Variants in NDUFA10 observed in about 807,000 individuals in gnomAD.
NDUFA10 encodes the protein NADH:ubiquinone oxidoreductase subunit A10.
In NDUFA10, 40 loss-of-function variants were observed where a neutral mutation model predicts 47.8. That is an observed-to-expected ratio of 0.84 (90% confidence interval 0.65 to 1.09). The LOEUF (loss-of-function observed/expected upper bound fraction) is 1.09, where lower values mean the gene tolerates loss of function less well. Among genes scored for constraint, NDUFA10 ranks in the 50% least tolerant of loss-of-function variants. NDUFA10 has a pLI of 0.00. For synonymous variants in NDUFA10, 183 were observed against 172.2 expected (o/e 1.06, Z -0.49); for missense variants, 413 against 451.1 (o/e 0.92, Z 0.76).
Position 239,958,976 on chromosome 2 carries a change from G to C in NDUFA10, c.*2142C>G, listed in dbSNP as rs764782541. 6 of 985,432 alleles carry C rather than the reference G, an allele frequency of 6.1e-6. No individual in the cohort carries two copies. The South Asian group carries it at 2.8e-4, about 46-fold the overall frequency. 61.0% of individuals were successfully genotyped at this position (985,432 alleles called of 1,614,324 possible). A position where few individuals can be genotyped will look rare whatever the true frequency, so the allele number is the denominator to read the frequency against. On this transcript the variant is annotated 3_prime_UTR_variant, in exon 10 of 10. Transcript: ENST00000252711. ...TTAGTTGTAAGAGCTTTCGTGAGAC[G>C]AACGCATGTACTGCTCTGAAATAAG...
At chr2:239,964,706 C>T (rs1296408767) in intron 9 of NDUFA10, among the ~76,000 whole-genome samples, 4 of 152,160 alleles carry the variant, frequency 2.6e-5, no homozygotes, top group African/African-American at 9.7e-5. Flanking sequence ...ACACTGCCGG[C>T]GAGGACACCT....
chr2:239,913,578 G>T (rs762174710), intron 4 of NDUFA10, among the ~76,000 whole-genome samples: 2 of 152,222 alleles, frequency 1.3e-5, no homozygotes, highest in Non-Finnish European at 2.9e-5. Flanking sequence ...TCTCAATACT[G>T]CGGGGAGCTC....
downstream of NDUFA10, among the ~76,000 whole-genome samples, chr2:239,952,595 G>A (rs927668356): frequency 4.7e-5 from 7 of 149,908 alleles, no homozygotes. Flanking sequence ...GGACAAAGCA[G>A]CCTCCCCTCT....
chr2:239,910,349 A>G (rs1693728644), intron 4 of NDUFA10, among the ~76,000 whole-genome samples: 1 of 152,246 alleles, frequency 6.6e-6, no homozygotes, highest in South Asian at 2.1e-4. Flanking sequence ...GGTAAAGAAA[A>G]TGTGGCACAT....
In NDUFA10 at chr2:240,021,227, A is replaced by G. The variant is rs375847386; in HGVS notation, c.430T>C (p.Ser144Pro). The G allele has an allele frequency of 1.2e-6, 2 of 1,614,116 alleles. No homozygotes were observed. Among genetic ancestry groups the G allele is most frequent in the African/African-American group, 2.7e-5 (2 of 74,936 alleles). ...WLYSSRLLQY[S>P]DALEHLLTTG... is the part of the protein sequence containing the mutation. The stretch of plus-strand genomic sequence containing the variant: ...GTCAGCAAGTGCTCCAAGGCATCTG[A>G]GTACTGCAGCAGGCGACTGCTGTAC... The change falls in exon 3 of 10, where the codon TCA becomes CCA. Residue 144 changes from serine to proline, a missense_variant. Transcript: ENST00000252711.
At chr2:240,003,596 A>G (rs1242571528) in intron 8 of NDUFA10, among the ~76,000 whole-genome samples, 1 of 152,216 alleles carries the variant, frequency 6.6e-6, no homozygotes, top group Non-Finnish European at 1.5e-5. Flanking sequence ...AATTACTCCA[A>G]TCTTGATTTA....
At chr2:239,972,994 T>A (rs1393560525) in intron 9 of NDUFA10, among the ~76,000 whole-genome samples, 2 of 152,036 alleles carry the variant, frequency 1.3e-5, no homozygotes, top group Non-Finnish European at 2.9e-5. Context: ...ACCACAGCAA[T>A]CACATACAAA....
intron 8 of NDUFA10, among the ~76,000 whole-genome samples, chr2:240,002,653 C>T (rs150444176): frequency 5.3e-5 from 8 of 152,286 alleles, no homozygotes; most frequent in Non-Finnish European, 1.2e-4. Flanking sequence ...TGACCCTTCC[C>T]GTCTCCTCAG....
intron 4 of NDUFA10, among the ~76,000 whole-genome samples, chr2:239,897,411 G>GAA (rs143906189): frequency 6.7e-6 from 1 of 149,558 alleles, no homozygotes; most frequent in Admixed American, 6.7e-5. Context: ...TTCTTGAAGT[G>GAA]AAAAAAAAAA....
In NDUFA10 at chr2:239,959,690, G is replaced by A; in HGVS notation, c.*1428C>T. On this transcript the variant is annotated 3_prime_UTR_variant, in exon 10 of 10. Coordinates refer to ENST00000252711, the MANE Select transcript of NDUFA10 (RefSeq NM_004544.4). ...CGGAAGGAAGGAAGGAAGAGAAGGA[G>A]GGAAGGAAAGAGGCAGGGAGGAAAA... 3 of 890,240 alleles carry A rather than the reference G, an allele frequency of 3.4e-6. No homozygotes were observed. The highest frequency in any genetic ancestry group is 4.0e-6 in the Non-Finnish European group (3 of 747,324). 55.1% of individuals were successfully genotyped at this position (890,240 alleles called of 1,614,324 possible). A position where few individuals can be genotyped will look rare whatever the true frequency, so the allele number is the denominator to read the frequency against.
intron 9 of NDUFA10, among the ~76,000 whole-genome samples, chr2:239,965,580 G>A (rs955611821): frequency 6.6e-6 from 1 of 152,336 alleles, no homozygotes; most frequent in East Asian, 1.9e-4. Flanking sequence ...GGATCTGCTC[G>A]TTCACGGTGC....
In NDUFA10 at chr2:239,961,316, A is replaced by G; in HGVS notation, c.1000-130T>C. 1.9e-6 allele frequency: 3 copies of G among 1,542,324 alleles called. No individual in the cohort carries two copies. The South Asian group carries it at 3.6e-5, about 18-fold the overall frequency. On this transcript the variant is annotated intron_variant, in intron 9 of 9. Transcript: ENST00000252711. ...CTTCAGCAATGCTGGTGAGCACATG[A>G]TCTGTGGCAGGTGTCTCCTGTGAGT...
At chr2:240,004,743 C>G (rs1696880220) in intron 8 of NDUFA10, among the ~76,000 whole-genome samples, 1 of 152,006 alleles carries the variant, frequency 6.6e-6, no homozygotes, top group Non-Finnish European at 1.5e-5. Context: ...AAGCCCCTGC[C>G]CTCTGCTCAC....
chr2:239,961,723 C>A (rs1694859136), intron 9 of NDUFA10, among the ~76,000 whole-genome samples: 1 of 152,224 alleles, frequency 6.6e-6, no homozygotes, highest in Admixed American at 6.5e-5. Flanking sequence ...TAGACATGGG[C>A]AGGGTTCAGG....
At chr2:239,897,800 G>C (rs1386015580) in intron 4 of NDUFA10, among the ~76,000 whole-genome samples, 1 of 152,198 alleles carries the variant, frequency 6.6e-6, no homozygotes, top group Non-Finnish European at 1.5e-5. Context: ...AGCCCCCAGA[G>C]ACTGCAGCAC....
intron 9 of NDUFA10, chr2:239,969,469 C>A: frequency 3.2e-6 from 1 of 316,638 alleles, no homozygotes; most frequent in Admixed American, 4.2e-5. Context: ...GTTCATGCCA[C>A]GGCCACGCAC....
chr2:240,009,144 G>C (rs915960359), intron 6 of NDUFA10, among the ~76,000 whole-genome samples: 1 of 152,094 alleles, frequency 6.6e-6, no homozygotes, highest in African/African-American at 2.4e-5. Context: ...AGCCTCCCCA[G>C]CTCCTCACCC....
At chr2:239,954,614 T>G (rs1338161114), downstream of NDUFA10, among the ~76,000 whole-genome samples, 1 of 152,224 alleles carries the variant, frequency 6.6e-6, no homozygotes, top group Non-Finnish European at 1.5e-5. Context: ...AGGCTGCATA[T>G]TTACCCATTG....
chr2:239,906,118 G>A lies in NDUFA10; in HGVS notation c.295-10804C>T, dbSNP rs1378902855. ...GGCCACAGATGTGTGCTGAGCTCAT[G>A]ACCTTCGGGGGCTCTGGGCGGGCCC... On this transcript the variant is annotated intron_variant, in intron 4 of 5. Coordinates refer to the NDUFA10 transcript ENST00000419408. The surrounding 1 kb of genome is among the most constrained non-coding windows in gnomAD (Gnocchi z 4.3). Among the ~76,000 whole-genome samples, 3 of 152,138 alleles carry A rather than the reference G, an allele frequency of 2.0e-5. No homozygotes were observed. The highest frequency in any genetic ancestry group is 2.0e-4 in the Admixed American group (3 of 15,274).
Sources: gnomAD v4.1 joint callset for allele counts (sites outside exome capture counted in the v4.1 genomes callset) on GRCh38, gnomAD v4.1.1 for gene constraint, Gnocchi (gnomAD v3.1) non-coding constraint, MANE v1.5 for transcripts, NCBI Gene and HGNC (gene_info 2026-07-23, HGNC 2026-07-21) for gene names.